PREX1: variants seen among roughly 807,000 people sequenced by gnomAD.
PREX1 encodes phosphatidylinositol 3,4,5-trisphosphate-dependent Rac exchanger 1 protein.
PREX1 carries 41 observed loss-of-function variants against 198.3 expected under a neutral mutation model. The observed-to-expected ratio is 0.21, with a 90% CI of 0.16 to 0.27. The LOEUF (loss-of-function observed/expected upper bound fraction) is 0.27. PREX1 is among the 10% of genes least tolerant of loss of function. The pLI is 1.00. For missense variants in PREX1, 1,620 were observed against 2,200.7 expected (o/e 0.74, Z 5.28); for synonymous variants, 843 against 887.2 (o/e 0.95, Z 0.89).
intron 1 of PREX1, among the ~76,000 whole-genome samples, chr20:48,811,985 C>A (rs1471914028): frequency 6.6e-6 from 1 of 152,250 alleles, no homozygotes; most frequent in Non-Finnish European, 1.5e-5. Flanking sequence ...GACTGAACAG[C>A]TCGGTGCCTC....
intron 1 of PREX1, among the ~76,000 whole-genome samples, chr20:48,793,584 G>C (rs1263270367): frequency 1.3e-5 from 2 of 152,198 alleles, no homozygotes; most frequent in Admixed American, 6.5e-5. Flanking sequence ...ACAAAGTTAG[G>C]GGGAGAGGGT....
intron 25 of PREX1, among the ~76,000 whole-genome samples, chr20:48,646,475 G>C (rs374388551): frequency 9.9e-5 from 15 of 152,248 alleles, no homozygotes; most frequent in East Asian, 7.7e-4. Context: ...CTGAGGTCAG[G>C]AGTTTGAGAC....
chr20:48,661,444 A>AATATATATAT (rs1159107194), intron 15 of PREX1, among the ~76,000 whole-genome samples: 40 of 49,568 alleles, frequency 8.1e-4, no homozygotes, highest in Non-Finnish European at 9.1e-4. Context: ...AAAAAAAAAA[A>AATATATATAT]ATATATATAT....
chr20:48,803,157 C>T (rs2090395088), intron 1 of PREX1, among the ~76,000 whole-genome samples: 1 of 152,204 alleles, frequency 6.6e-6, no homozygotes, highest in African/African-American at 2.4e-5. Flanking sequence ...TAATAGCAGG[C>T]ATGGCTGGTT....
At chr20:48,659,063 T>C (rs1332390684) in intron 16 of PREX1, among the ~76,000 whole-genome samples, 3 of 150,822 alleles carry the variant, frequency 2.0e-5, no homozygotes, top group African/African-American at 7.3e-5. Context: ...ACCCTGTCTT[T>C]ATAAAAAATA....
intron 4 of PREX1, among the ~76,000 whole-genome samples, chr20:48,726,824 G>A (rs1442415862): frequency 6.6e-6 from 1 of 152,142 alleles, no homozygotes; most frequent in African/African-American, 2.4e-5. Context: ...AAAATGGGAC[G>A]CGACCTAAAT....
intron 14 of PREX1, among the ~76,000 whole-genome samples, chr20:48,672,181 G>C (rs2089679936): frequency 3.9e-5 from 6 of 152,154 alleles, no homozygotes; most frequent in Admixed American, 3.3e-4. Context: ...GTGAAGGCCT[G>C]AGCCTCCCGC....
intron 13 of PREX1, 108 bp from the exon 14 acceptor site, chr20:48,676,376 C>A: frequency 9.8e-7 from 1 of 1,019,626 alleles, no homozygotes. Context: ...GATCTCCAGG[C>A]TCTCTAGGCA....
At chr20:48,679,244 C>T in intron 13 of PREX1, 116 bp downstream of exon 13, 1 of 874,788 alleles carries the variant, frequency 1.1e-6, no homozygotes, top group Non-Finnish European at 1.8e-6. Context: ...GGTGCCACTG[C>T]AAGCCCCATT....
the PREX1 span, among the ~76,000 whole-genome samples, chr20:48,835,585 TC>T: frequency 1.3e-5 from 2 of 152,112 alleles, no homozygotes; most frequent in African/African-American, 4.8e-5. Flanking sequence ...CCACCTGTGT[TC>T]CGGGCAGCAG....
chr20:48,722,398 G>C (rs1467282909), intron 5 of PREX1, among the ~76,000 whole-genome samples: 1 of 152,204 alleles, frequency 6.6e-6, no homozygotes, highest in Non-Finnish European at 1.5e-5. Context: ...GAAATATCCA[G>C]AATAGGTGAA....
Position 48,642,410 on chromosome 20 carries a change from G to A in PREX1, c.3681C>T (p.Asn1227=). ...AGGAGTGGGGCAAAGGTCCTACCTG[G>A]TTAAAGAGGTGCTCCAGGCAGCCAT... The part of the protein sequence containing the change: ...KLHGCLEHLF[N]QVDSINALLK... The change falls in exon 28 of 40, where the codon AAC becomes AAT. Residue 1227 remains asparagine, a synonymous_variant. Transcript: ENST00000371941. 1 of 1,613,042 alleles carries A rather than the reference G, an allele frequency of 6.2e-7. No homozygotes were observed. Among genetic ancestry groups the A allele is most frequent in the South Asian group, 1.1e-5 (1 of 90,992 alleles).
At chr20:48,681,517 T>C (rs1287427255) in intron 10 of PREX1, among the ~76,000 whole-genome samples, 182 bp from the exon 11 acceptor site, 1 of 151,884 alleles carries the variant, frequency 6.6e-6, no homozygotes, top group Non-Finnish European at 1.5e-5. Context: ...TTATTACCAA[T>C]AGCAGAGAGG....
intron 3 of PREX1, among the ~76,000 whole-genome samples, chr20:48,744,213 T>C (rs572501332): frequency 1.6e-4 from 24 of 152,132 alleles, no homozygotes; most frequent in Non-Finnish European, 3.1e-4. Flanking sequence ...CAACCAAAAA[T>C]GTGTCTGGAC....
At chr20:48,629,714 T>A in intron 36 of PREX1, 93 bp from the exon 37 acceptor site, 1 of 1,378,446 alleles carries the variant, frequency 7.3e-7, no homozygotes, top group Non-Finnish European at 1.0e-6. Flanking sequence ...CATATCCTTC[T>A]AATCCAGCTG....
chr20:48,755,621 C>T (rs2090153048), intron 1 of PREX1, among the ~76,000 whole-genome samples: 1 of 152,152 alleles, frequency 6.6e-6, no homozygotes, highest in Middle Eastern at 3.2e-3. Context: ...AGGTAGAAGC[C>T]ACGTGTTGGG....
At chr20:48,633,950 A>G (rs764510359) in intron 33 of PREX1, among the ~76,000 whole-genome samples, 36 of 152,350 alleles carry the variant, frequency 2.4e-4, no homozygotes, top group Non-Finnish European at 5.0e-4. Flanking sequence ...AATTATGGAC[A>G]TGTAAATAGA....
chr20:48,788,882 T>C (rs2090324737), intron 1 of PREX1, among the ~76,000 whole-genome samples: 1 of 152,160 alleles, frequency 6.6e-6, no homozygotes, highest in African/African-American at 2.4e-5. Flanking sequence ...TGAGCTGGCG[T>C]GTTAGTGTGC....
intron 10 of PREX1, among the ~76,000 whole-genome samples, chr20:48,683,331 G>A (rs189253437): frequency 2.4e-4 from 37 of 152,342 alleles, no homozygotes; most frequent in African/African-American, 7.5e-4. Flanking sequence ...TCTGCCCTAC[G>A]TTTCTGCCCA....
Sources: allele counts gnomAD v4.1 joint callset (sites outside exome capture counted in the v4.1 genomes callset), GRCh38; gene constraint gnomAD v4.1.1; transcripts MANE v1.5; gene names NCBI Gene and HGNC (gene_info 2026-07-23, HGNC 2026-07-21).